Variants in GAREM1 observed in about 807,000 individuals in gnomAD.
GAREM1 encodes the protein GRB2-associated and regulator of MAPK protein 1.
A neutral mutation model predicts 71.3 loss-of-function variants in GAREM1; 26 were observed. The ratio of observed to expected loss-of-function variants is 0.36; its 90% CI spans 0.27 to 0.51. GAREM1 has a LOEUF of 0.51. Ranked by LOEUF, GAREM1 falls within the 20% of genes least tolerant of loss-of-function variation. GAREM1 has a pLI of 0.95. For synonymous variants in GAREM1, 440 were observed against 433.2 expected, an observed-to-expected ratio of 1.02 and a Z score of -0.20; for missense variants, 1,026 against 1,103.1, an observed-to-expected ratio of 0.93 and a Z score of 0.99.
intron 2 of GAREM1, among the ~76,000 whole-genome samples, chr18:32,313,351 G>GA (rs2047343331): frequency 6.6e-6 from 1 of 152,164 alleles, no homozygotes; most frequent in Admixed American, 6.5e-5. Context: ...ACCCTAGAGG[G>GA]AGTGAGCTCA....
At chr18:32,374,574 A>G (rs747609565) in intron 2 of GAREM1, among the ~76,000 whole-genome samples, 2 of 152,236 alleles carry the variant, frequency 1.3e-5, no homozygotes, top group African/African-American at 2.4e-5. Flanking sequence ...GTACCTCTGG[A>G]GAAGTATGTA....
intron 1 of GAREM1, among the ~76,000 whole-genome samples, chr18:32,418,646 T>C (rs567983331): frequency 6.6e-6 from 1 of 152,282 alleles, no homozygotes; most frequent in South Asian, 2.1e-4. Flanking sequence ...CCCCAGAGGT[T>C]GAAATCCATA....
intron 1 of GAREM1, among the ~76,000 whole-genome samples, chr18:32,465,511 G>A (rs904390690): frequency 5.3e-5 from 8 of 152,118 alleles, no homozygotes; most frequent in African/African-American, 1.9e-4. Context: ...TGATTCCTAT[G>A]CACAGCCAGG....
Position 32,288,522 on chromosome 18 carries a change from G to GA in GAREM1, c.394-320dup, listed in dbSNP as rs571784734. On this transcript the variant is annotated intron_variant, in intron 3 of 5. Coordinates refer to ENST00000269209, the MANE Select transcript of GAREM1 (RefSeq NM_001242409.2). ...AAATGTTTTCATGAATGCTGATGTAGAAAATTCCTTGTTTTTTATTATTTA... is the reference window on the plus strand; with the variant it reads ...AAATGTTTTCATGAATGCTGATGTAGAAAAATTCCTTGTTTTTTATTATTTA... Among the ~76,000 whole-genome samples, 909 of 151,650 alleles carry GA rather than the reference G, an allele frequency of 6.0e-3. 10 individuals carry two copies. Among genetic ancestry groups the GA allele is most frequent in the Middle Eastern group, 0.034 (10 of 294 alleles).
rs181474690 is a variant in GAREM1 at position 32,319,146 on chromosome 18, T to C, written c.263-8823A>G. Reference sequence around the variant, plus strand: ...GAGACAGGCCACAGACAAACTTAGATGGTTCCAAGTCAACTGTACAAATGA... The same window carrying C: ...GAGACAGGCCACAGACAAACTTAGACGGTTCCAAGTCAACTGTACAAATGA... On this transcript the variant is annotated intron_variant, in intron 2 of 5. Transcript: ENST00000269209. 1.9e-3 allele frequency among the ~76,000 whole-genome samples: 287 copies of C among 152,280 alleles called. 1 individual carries two copies. The highest frequency in any genetic ancestry group is 6.4e-3 in the African/African-American group (265 of 41,548).
intron 1 of GAREM1, among the ~76,000 whole-genome samples, chr18:32,442,808 A>G (rs1469942827): frequency 6.6e-6 from 1 of 152,170 alleles, no homozygotes; most frequent in Non-Finnish European, 1.5e-5. Flanking sequence ...CAGAAAATGA[A>G]GATATTGTTC....
chr18:32,421,734 A>G (rs1215322071), intron 1 of GAREM1, among the ~76,000 whole-genome samples: 1 of 152,092 alleles, frequency 6.6e-6, no homozygotes, highest in African/African-American at 2.4e-5. Context: ...CAAGCTAGAA[A>G]TTGGAGAGTC....
At chr18:32,381,183 A>AT (rs1390579530) in intron 2 of GAREM1, among the ~76,000 whole-genome samples, 2 of 152,066 alleles carry the variant, frequency 1.3e-5, no homozygotes, top group East Asian at 3.9e-4. Flanking sequence ...TATCTCTTAC[A>AT]TATCTGGCAA....
In GAREM1 at chr18:32,292,643, C is replaced by T. The variant is rs2047098674; in HGVS notation, c.394-4440G>A. On this transcript the variant is annotated intron_variant, in intron 3 of 5. Transcript: ENST00000269209. Reference sequence around the variant, plus strand: ...GATATCATGGTTTTATAAGGGGCTTCCCACATTGCTGGGCACTCATTCTCT... The same window carrying T: ...GATATCATGGTTTTATAAGGGGCTTTCCACATTGCTGGGCACTCATTCTCT... Among the ~76,000 whole-genome samples the T allele has an allele frequency of 4.6e-5, 7 of 152,262 alleles. No homozygotes were observed. In the South Asian group the frequency reaches 1.5e-3, roughly 32 times the overall value.
intron 1 of GAREM1, among the ~76,000 whole-genome samples, chr18:32,404,572 T>C (rs2048348233): frequency 6.6e-6 from 1 of 152,258 alleles, no homozygotes; most frequent in African/African-American, 2.4e-5. Context: ...TGTGTTTCTT[T>C]ATACTCAGAG....
chr18:32,290,948 T>A (rs538694295), intron 3 of GAREM1, among the ~76,000 whole-genome samples: 2 of 152,282 alleles, frequency 1.3e-5, no homozygotes, highest in East Asian at 3.9e-4. Context: ...AAATAACATA[T>A]GCATTTATCC....
intron 1 of GAREM1, among the ~76,000 whole-genome samples, chr18:32,448,313 T>C (rs1465239712): frequency 2.6e-5 from 4 of 152,160 alleles, no homozygotes; most frequent in African/African-American, 9.7e-5. Context: ...CAATAAAAAA[T>C]GTAAAATTAT....
rs984900376 is a variant in GAREM1 at position 32,470,693 on chromosome 18, G to A, written c.-265C>T. On this transcript the variant is annotated 5_prime_UTR_variant, in exon 1 of 6. Coordinates refer to ENST00000269209, the MANE Select transcript of GAREM1 (RefSeq NM_001242409.2). The surrounding 1 kb of genome is among the most constrained non-coding windows in gnomAD (Gnocchi z 4.4). ...GAAGACTCAGAGCAGCCGCGCGGCT[G>A]CGGGCGGCGGCGGCGGCCCGGGTGG... Among the ~76,000 whole-genome samples, 2 of 149,748 alleles carry A rather than the reference G, an allele frequency of 1.3e-5. No individual in the cohort carries two copies. The highest frequency in any genetic ancestry group is 4.9e-5 in the African/African-American group (2 of 41,166).
chr18:32,447,080 A>G (rs2048792080), intron 1 of GAREM1, among the ~76,000 whole-genome samples: 1 of 152,218 alleles, frequency 6.6e-6, no homozygotes, highest in Admixed American at 6.5e-5. Context: ...TTAAAACTAT[A>G]TACACTGTTT....
At chr18:32,282,087 C>T (rs867767391) in intron 4 of GAREM1, among the ~76,000 whole-genome samples, 2 of 152,032 alleles carry the variant, frequency 1.3e-5, no homozygotes, top group Non-Finnish European at 2.9e-5. Flanking sequence ...TCCTATAAAA[C>T]GGCCCCACCC....
At chr18:32,381,011 C>T (rs2048091844) in intron 2 of GAREM1, among the ~76,000 whole-genome samples, 2 of 151,510 alleles carry the variant, frequency 1.3e-5, no homozygotes, top group Admixed American at 6.6e-5. Context: ...ATATATAGAA[C>T]AAAGAATTCC....
intron 2 of GAREM1, among the ~76,000 whole-genome samples, chr18:32,334,904 C>T (rs1036086861): frequency 1.3e-5 from 2 of 152,232 alleles, no homozygotes; most frequent in African/African-American, 4.8e-5. Context: ...TATCTAGACA[C>T]CTCTGCCAGA....
At chr18:32,286,262 A>G (rs576947610) in intron 4 of GAREM1, among the ~76,000 whole-genome samples, 1 of 151,986 alleles carries the variant, frequency 6.6e-6, no homozygotes, top group East Asian at 1.9e-4. Context: ...ATTAGAATCA[A>G]GCTCTGAATG....
chr18:32,341,657 C>G (rs1055920323), intron 2 of GAREM1, among the ~76,000 whole-genome samples: 2 of 152,120 alleles, frequency 1.3e-5, no homozygotes, highest in Non-Finnish European at 2.9e-5. Flanking sequence ...GAGTTTCTTT[C>G]TTTAATATGG....
Sources: gnomAD v4.1 joint callset for allele counts (sites outside exome capture counted in the v4.1 genomes callset) on GRCh38, gnomAD v4.1.1 for gene constraint, Gnocchi (gnomAD v3.1) non-coding constraint, MANE v1.5 for transcripts, NCBI Gene and HGNC (gene_info 2026-07-23, HGNC 2026-07-21) for gene names.